The following INPP5B variants were observed in gnomAD, a reference collection of about 807,000 sequenced individuals.
The protein encoded by INPP5B is inositol polyphosphate-5-phosphatase B, also known as type II inositol 1,4,5-trisphosphate 5-phosphatase.
A neutral mutation model predicts 118.5 loss-of-function variants in INPP5B; 90 were observed. That is an observed-to-expected ratio of 0.76 (90% CI 0.64 to 0.90). The LOEUF (loss-of-function observed/expected upper bound fraction) is 0.90, where lower values mean the gene tolerates loss of function less well. Ranked by LOEUF, INPP5B falls within the 40% of genes least tolerant of loss-of-function variation. The probability of loss-of-function intolerance (pLI) is 0.00; values close to 1 mark genes in which losing one functional copy is unlikely to be tolerated. For missense variants in INPP5B, 984 were observed against 1,125.6 expected (o/e 0.87, Z 1.80); for synonymous variants, 385 against 418.9 (o/e 0.92, Z 0.99).
rs1055324866 is a variant in INPP5B at position 37,866,632 on chromosome 1, A to G, written c.2302-89T>C. On this transcript the variant is annotated intron_variant, in intron 20 of 23. Transcript: ENST00000373024. ...CCTGGCAATATCAATAGCAGAATGC[A>G]AAAAGGAGCAGTGTGGTGAGGCCTC... 1.5e-5 allele frequency: 12 copies of G among 787,474 alleles called. No individual in the cohort carries two copies. In the Admixed American group the frequency reaches 1.8e-4, roughly 12 times the overall value. 48.8% of individuals were successfully genotyped at this position (787,474 alleles called of 1,614,324 possible).
intron 7 of INPP5B, among the ~76,000 whole-genome samples, chr1:37,894,850 C>T (rs1350466399): frequency 6.6e-6 from 1 of 152,100 alleles, no homozygotes; most frequent in Admixed American, 6.6e-5. Flanking sequence ...CCCCTGTGTG[C>T]CTTATATGTT....
chr1:37,931,535 C>A (rs1325131401), intron 7 of INPP5B: 2 of 1,536,424 alleles, frequency 1.3e-6, no homozygotes, highest in East Asian at 2.4e-5. Flanking sequence ...AGTGTCCCAG[C>A]CTCCAGAGGG....
chr1:37,863,692 C>T (rs1389627823), intron 23 of INPP5B, among the ~76,000 whole-genome samples: 2 of 150,248 alleles, frequency 1.3e-5, no homozygotes, highest in African/African-American at 4.9e-5. Flanking sequence ...TTCTCAAGCA[C>T]ACACACACAC....
chr1:37,864,634 T>C (rs1641918547), intron 22 of INPP5B: 2 of 401,498 alleles, frequency 5.0e-6, no homozygotes, highest in South Asian at 1.0e-4. Flanking sequence ...TACATGTTCC[T>C]ATAAGACTGA....
chr1:37,896,800 G>A (rs1644112636), intron 7 of INPP5B, among the ~76,000 whole-genome samples: 1 of 143,000 alleles, frequency 7.0e-6, no homozygotes, highest in African/African-American at 2.6e-5. Flanking sequence ...CCCCTGCCCG[G>A]CCAGCCGCCC....
intron 23 of INPP5B, 40 bp from the exon 24 acceptor site, chr1:37,862,470 G>C: frequency 7.6e-7 from 1 of 1,309,136 alleles, no homozygotes; most frequent in Non-Finnish European, 1.1e-6. Flanking sequence ...TTCAGCAAAA[G>C]AAGGTACTAA....
rs906056628 is a variant in INPP5B, at chr1:37,921,904, C to T, written c.532+10009G>A. 3.3e-5 allele frequency among the ~76,000 whole-genome samples: 5 copies of T among 152,134 alleles called. No individual in the cohort carries two copies. The East Asian group carries it at 7.7e-4, about 24-fold the overall frequency. Reference sequence around the variant, plus strand: ...CACCTGTAACGGGCTTGCTGGCGAGCGCCTGTAATCCCAGCTACTCAGGAG... The same window carrying T: ...CACCTGTAACGGGCTTGCTGGCGAGTGCCTGTAATCCCAGCTACTCAGGAG... On this transcript the variant is annotated intron_variant, in intron 7 of 23. Transcript: ENST00000373024.
At position 37,886,868 on chromosome 1, in the gene INPP5B, C is replaced by A. The variant is rs1209801077; in HGVS notation, c.1131+20G>T. 6.2e-7 allele frequency: 1 copy of A among 1,601,958 alleles called. No homozygotes were observed. The highest frequency in any genetic ancestry group is 1.3e-5 in the African/African-American group (1 of 74,808). On this transcript the variant is annotated intron_variant, in intron 12 of 23. Coordinates refer to ENST00000373024, the MANE Select transcript of INPP5B (RefSeq NM_005540.3). ...GAGCTAAGGTCCTCAATGTGCCAAACAAACCAACCAAGGACTCACCATCCT... is the reference window on the plus strand; with the variant it reads ...GAGCTAAGGTCCTCAATGTGCCAAAAAAACCAACCAAGGACTCACCATCCT...
chr1:37,867,809 AG>A (rs765593408), intron 20 of INPP5B, among the ~76,000 whole-genome samples: 13 of 152,118 alleles, frequency 8.5e-5, no homozygotes, highest in Admixed American at 3.3e-4. Context: ...TTTGTGGCCC[AG>A]GGGTTGCATC....
intron 7 of INPP5B, among the ~76,000 whole-genome samples, chr1:37,913,702 T>C (rs1322381709): frequency 2.0e-5 from 3 of 152,134 alleles, no homozygotes; most frequent in Admixed American, 1.3e-4. Context: ...TCATTATCTC[T>C]CCACATCGCC....
chr1:37,891,881 ATATTGCTTCAAAGGGCC>A (rs1643864179), intron 7 of INPP5B, among the ~76,000 whole-genome samples: 1 of 152,226 alleles, frequency 6.6e-6, no homozygotes, highest in Admixed American at 6.5e-5. Flanking sequence ...GGTAGTCCAC[ATATTGCTTCAAAGGGCC>A]TATGCTGATG....
intron 7 of INPP5B, among the ~76,000 whole-genome samples, chr1:37,896,414 A>G: frequency 6.7e-6 from 1 of 149,134 alleles, no homozygotes; most frequent in Admixed American, 6.6e-5. Context: ...CTCGTCCGGG[A>G]GGGAGGTGGG....
rs978480225 is a variant in INPP5B at position 37,882,928 on chromosome 1, C to T, written c.1320-10G>A. 10 of 1,613,964 alleles carry T rather than the reference C, an allele frequency of 6.2e-6. No homozygotes were observed. The highest frequency in any genetic ancestry group is 7.6e-6 in the Non-Finnish European group (9 of 1,179,978). Reference sequence around the variant, plus strand: ...CAGCCACAAGATCACACTGTGAGGACAGAGCACAAAGGTAACAGGGTTTAG... The same window carrying T: ...CAGCCACAAGATCACACTGTGAGGATAGAGCACAAAGGTAACAGGGTTTAG... On this transcript the variant is annotated splice_polypyrimidine_tract_variant and intron_variant, in intron 13 of 23. Coordinates refer to ENST00000373024, the MANE Select transcript of INPP5B (RefSeq NM_005540.3).
chr1:37,875,858 A>G, intron 16 of INPP5B, 142 bp from the exon 17 acceptor site: 2 of 611,404 alleles, frequency 3.3e-6, no homozygotes, highest in Non-Finnish European at 5.8e-6. Context: ...TAATTAATGA[A>G]CTCCATTAAC....
intron 13 of INPP5B, chr1:37,883,427 G>C (rs1337104633): frequency 1.0e-6 from 1 of 985,312 alleles, no homozygotes; most frequent in Non-Finnish European, 1.2e-6. Context: ...TATATCATTG[G>C]TTGGCTCTTT....
chr1:37,866,010 G>T (rs1642007161), intron 21 of INPP5B, 122 bp from the exon 22 acceptor site: 3 of 1,478,874 alleles, frequency 2.0e-6, no homozygotes, highest in Non-Finnish European at 2.7e-6. Context: ...GGGCTAGGAT[G>T]CCAGCCTAAC....
intron 7 of INPP5B, among the ~76,000 whole-genome samples, chr1:37,894,818 G>A (rs956504214): frequency 2.6e-5 from 4 of 152,008 alleles, no homozygotes; most frequent in South Asian, 2.1e-4. Context: ...CTGGGATTAC[G>A]GGCATGAGCC....
In INPP5B at chr1:37,882,729, G is replaced by A. The variant is rs536950717; in HGVS notation, c.1431+78C>T. 1,146 of 1,085,938 alleles carry A rather than the reference G, an allele frequency of 1.1e-3. 7 individuals carry two copies. The highest frequency in any genetic ancestry group is 8.1e-3 in the South Asian group (615 of 75,740). 67.3% of individuals were successfully genotyped at this position (1,085,938 alleles called of 1,614,324 possible). The stretch of plus-strand genomic sequence containing the variant: ...CCCAAGCCAAGGAGGAAGAGGCTGC[G>A]AGTTTGGAAGCCAGGCTTTTCTGTG... On this transcript the variant is annotated intron_variant, in intron 14 of 23. Coordinates refer to ENST00000373024, the MANE Select transcript of INPP5B (RefSeq NM_005540.3).
chr1:37,935,683 C>T (rs1645658723), intron 6 of INPP5B, among the ~76,000 whole-genome samples: 2 of 152,172 alleles, frequency 1.3e-5, no homozygotes, highest in African/African-American at 2.4e-5. Flanking sequence ...ACATTCCTAT[C>T]TCCCTGCTCT....
Sources: gnomAD v4.1 joint callset for allele counts (sites outside exome capture counted in the v4.1 genomes callset) on GRCh38, gnomAD v4.1.1 for gene constraint, MANE v1.5 for transcripts, NCBI Gene and HGNC (gene_info 2026-07-23, HGNC 2026-07-21) for gene names.